The following PRKCA variants were observed in gnomAD, a reference collection of about 807,000 sequenced individuals.
The protein encoded by PRKCA is protein kinase C alpha.
Under a neutral mutation model 87.0 loss-of-function variants are expected in PRKCA, and 27 were observed. The ratio of observed to expected loss-of-function variants is 0.31; its 90% confidence interval spans 0.23 to 0.43. The LOEUF (loss-of-function observed/expected upper bound fraction) is 0.43, where lower values mean the gene tolerates loss of function less well. Ranked by LOEUF, PRKCA falls within the 20% of genes least tolerant of loss-of-function variation. The pLI is 1.00. For synonymous variants in PRKCA, 329 were observed against 311.1 expected, an observed-to-expected ratio of 1.06 and a Z score of -0.61; for missense variants, 518 against 852.3, an observed-to-expected ratio of 0.61 and a Z score of 4.88.
At chr17:66,421,995 C>T (rs909638475) in intron 2 of PRKCA, among the ~76,000 whole-genome samples, 1 of 152,040 alleles carries the variant, frequency 6.6e-6, no homozygotes, top group African/African-American at 2.4e-5. Flanking sequence ...AAGGTGTCAG[C>T]AGGGGGTTGG....
intron 13 of PRKCA, among the ~76,000 whole-genome samples, chr17:66,757,341 A>C (rs894294487): frequency 6.6e-6 from 1 of 152,174 alleles, no homozygotes; most frequent in Non-Finnish European, 1.5e-5. Flanking sequence ...TGTTTGAAGC[A>C]ATTGGGACAG....
intron 2 of PRKCA, among the ~76,000 whole-genome samples, chr17:66,324,785 CAT>C (rs1425342634): frequency 6.6e-6 from 1 of 152,324 alleles, no homozygotes; most frequent in East Asian, 1.9e-4. Context: ...GGATAGCAAA[CAT>C]ATGACATTCT....
intron 2 of PRKCA, among the ~76,000 whole-genome samples, chr17:66,353,067 A>G (rs78301213): frequency 0.016 from 2,498 of 152,258 alleles, 70 homozygotes; most frequent in African/African-American, 0.056. Context: ...CCTGGTTGCA[A>G]TGAAGATAGG....
intron 3 of PRKCA, among the ~76,000 whole-genome samples, chr17:66,563,757 G>A (rs1270561694): frequency 1.3e-5 from 2 of 152,204 alleles, no homozygotes; most frequent in African/African-American, 4.8e-5. Context: ...CTGTGAGGCT[G>A]TTGAACAGTT....
At chr17:66,655,626 C>T (rs1971716274) in intron 5 of PRKCA, among the ~76,000 whole-genome samples, 1 of 152,124 alleles carries the variant, frequency 6.6e-6, no homozygotes, top group African/African-American at 2.4e-5. Context: ...TGTCATAAGT[C>T]CTTTGAGGTC....
chr17:66,566,746 T>C (rs1268682569), intron 3 of PRKCA, among the ~76,000 whole-genome samples: 1 of 152,242 alleles, frequency 6.6e-6, no homozygotes, highest in Non-Finnish European at 1.5e-5. Context: ...TTCTTCATTC[T>C]ACACCTTTTT....
At chr17:66,340,835 A>G (rs912678129) in intron 2 of PRKCA, among the ~76,000 whole-genome samples, 14 of 152,126 alleles carry the variant, frequency 9.2e-5, no homozygotes, top group African/African-American at 3.4e-4. Flanking sequence ...TTATTTGGCA[A>G]TTGAGAAGGT....
rs1371288254 is a variant in PRKCA, at chr17:66,548,805, CA to C, written c.288+52524del. 3.1e-5 allele frequency among the ~76,000 whole-genome samples: 3 copies of C among 97,538 alleles called. No individual in the cohort carries two copies. The Admixed American group carries it at 3.3e-4, about 11-fold the overall frequency. 64.0% of individuals were successfully genotyped at this position (97,538 alleles called of 152,430 possible). Reference sequence around the variant, plus strand: ...CTAGCGCCTACCGAATACGTTTCGGCAAGTTTTTTTTTTTTTGAAGCAGGCT... The same window carrying C: ...CTAGCGCCTACCGAATACGTTTCGGCAGTTTTTTTTTTTTTGAAGCAGGCT... On this transcript the variant is annotated intron_variant, in intron 3 of 16. Transcript: ENST00000413366.
At chr17:66,326,955 C>T (rs1906012931) in intron 2 of PRKCA, among the ~76,000 whole-genome samples, 1 of 152,142 alleles carries the variant, frequency 6.6e-6, no homozygotes, top group Non-Finnish European at 1.5e-5. Context: ...ATAGTTCCAG[C>T]TACTCAGGAG....
intron 3 of PRKCA, among the ~76,000 whole-genome samples, chr17:66,586,556 A>G (rs757285362): frequency 6.6e-6 from 1 of 152,164 alleles, no homozygotes; most frequent in Non-Finnish European, 1.5e-5. Context: ...TGGTCCCTTT[A>G]GGAGTTAGTT....
intron 2 of PRKCA, among the ~76,000 whole-genome samples, chr17:66,347,223 CAAAAA>C (rs563463213): frequency 6.6e-6 from 1 of 151,868 alleles, no homozygotes; most frequent in Non-Finnish European, 1.5e-5. Flanking sequence ...TTTTCCCTAA[CAAAAA>C]AAATTTAGTG....
At chr17:66,458,051 A>G (rs759345573) in intron 2 of PRKCA, among the ~76,000 whole-genome samples, 1 of 152,202 alleles carries the variant, frequency 6.6e-6, no homozygotes. Context: ...GCAACCTGAC[A>G]TAAGGAGTAT....
chr17:66,362,057 C>G (rs750546066), intron 2 of PRKCA, among the ~76,000 whole-genome samples: 8 of 151,914 alleles, frequency 5.3e-5, no homozygotes, highest in African/African-American at 2.4e-5. Context: ...TTTTTTGATA[C>G]GGAGTTTCGC....
chr17:66,804,194 T>C lies in PRKCA; in HGVS notation c.*157T>C, dbSNP rs1254495848. The C allele has an allele frequency of 1.0e-5, 10 of 985,862 alleles. No homozygotes were observed. Among genetic ancestry groups the C allele is most frequent in the Non-Finnish European group, 1.4e-5 (10 of 699,640 alleles). The allele number at this position is 985,862 out of a possible 1,614,324, so 61.1% of individuals were successfully genotyped here. A position where few individuals can be genotyped will look rare whatever the true frequency, so the allele number is the denominator to read the frequency against. ...TTATTAGTCCAAATGTGATCAACTGTTCAGGGTCTCTCTCTTACAACCAAG... is the reference window on the plus strand; with the variant it reads ...TTATTAGTCCAAATGTGATCAACTGCTCAGGGTCTCTCTCTTACAACCAAG... On this transcript the variant is annotated 3_prime_UTR_variant, in exon 17 of 17. Coordinates refer to ENST00000413366, the MANE Select transcript of PRKCA (RefSeq NM_002737.3).
At chr17:66,535,601 C>G (rs929134052) in intron 3 of PRKCA, among the ~76,000 whole-genome samples, 2 of 152,158 alleles carry the variant, frequency 1.3e-5, no homozygotes, top group Non-Finnish European at 2.9e-5. Flanking sequence ...AAACACAGCT[C>G]TCGAGGGGTT....
At chr17:66,656,059 G>A (rs1179671297) in intron 5 of PRKCA, among the ~76,000 whole-genome samples, 1 of 152,132 alleles carries the variant, frequency 6.6e-6, no homozygotes, top group African/African-American at 2.4e-5. Flanking sequence ...TCTGTGCGGG[G>A]ACTCCAACAG....
At chr17:66,675,849 G>A (rs931148313) in intron 5 of PRKCA, among the ~76,000 whole-genome samples, 1 of 152,070 alleles carries the variant, frequency 6.6e-6, no homozygotes, top group Admixed American at 6.6e-5. Context: ...TCCTCCGCGG[G>A]GTCCCACGCC....
chr17:66,347,941 C>CTTTTTTTTTTTTTTTTTTTTTTTTTT lies in PRKCA; in HGVS notation c.205+41833_205+41834insTTTTTTTTTTTTTTTTTTTTTTTTTT, dbSNP rs57292153. On this transcript the variant is annotated intron_variant, in intron 2 of 16. Coordinates refer to ENST00000413366, the MANE Select transcript of PRKCA (RefSeq NM_002737.3). ...AGAATATTTACTCAGAATTCTGAAC[C>CTTTTTTTTTTTTTTTTTTTTTTTTTT]TTTTTTTTTTTTTTTTTTTGAGACA... is the stretch of plus-strand genomic sequence containing the variant. Among the ~76,000 whole-genome samples the CTTTTTTTTTTTTTTTTTTTTTTTTTT allele has an allele frequency of 1.6e-4, 9 of 56,454 alleles. 3 individuals carry two copies. Among genetic ancestry groups the CTTTTTTTTTTTTTTTTTTTTTTTTTT allele is most frequent in the Non-Finnish European group, 2.3e-4 (7 of 30,412 alleles). 37.0% of individuals were successfully genotyped at this position (56,454 alleles called of 152,430 possible).
At chr17:66,452,016 C>T (rs1914348608) in intron 2 of PRKCA, among the ~76,000 whole-genome samples, 1 of 152,230 alleles carries the variant, frequency 6.6e-6, no homozygotes, top group African/African-American at 2.4e-5. Flanking sequence ...TCCTCTACCA[C>T]AGCCTCCAGC....
Sources: allele counts gnomAD v4.1 joint callset (sites outside exome capture counted in the v4.1 genomes callset), GRCh38; gene constraint gnomAD v4.1.1; transcripts MANE v1.5; gene names NCBI Gene and HGNC (gene_info 2026-07-23, HGNC 2026-07-21).